Variants in TSPAN9 observed in about 807,000 individuals in gnomAD.
TSPAN9 encodes tetraspanin-9.
TSPAN9 carries 16 observed loss-of-function variants against 31.0 expected under a neutral mutation model. The ratio of observed to expected loss-of-function variants is 0.52; its 90% CI spans 0.35 to 0.78. The LOEUF (loss-of-function observed/expected upper bound fraction) is 0.78. TSPAN9 is among the 30% of genes least tolerant of loss of function. The pLI, the probability that TSPAN9 is intolerant of heterozygous loss-of-function variation, is 0.01. For missense variants in TSPAN9, 272 were observed against 312.5 expected (o/e 0.87, Z 0.98); for synonymous variants, 145 against 121.6 (o/e 1.19, Z -1.27).
rs2098387669 is a variant in TSPAN9 at position 3,226,740 on chromosome 12, GTGTGTATATATATATA to G, written c.63+25486_63+25501del. Among the ~76,000 whole-genome samples, 48 of 13,154 alleles carry G rather than the reference GTGTGTATATATATATA, an allele frequency of 3.6e-3. 6 individuals are homozygous for G. Among genetic ancestry groups the G allele is most frequent in the African/African-American group, 8.4e-3 (27 of 3,208 alleles). 8.6% of individuals were successfully genotyped at this position (13,154 alleles called of 152,430 possible). The stretch of plus-strand genomic sequence containing the variant: ...TGTATGTGTGTGTGTGTGTGTGTGT[GTGTGTATATATATATA>G]TATATATATATATATATATATATAT... On this transcript the variant is annotated intron_variant, in intron 3 of 8. Coordinates refer to ENST00000011898, the MANE Select transcript of TSPAN9 (RefSeq NM_006675.5).
chr12:3,190,937 C>T (rs531858782), intron 2 of TSPAN9, among the ~76,000 whole-genome samples: 12 of 152,196 alleles, frequency 7.9e-5, no homozygotes, highest in Non-Finnish European at 1.6e-4. Context: ...ATTCAAGGAG[C>T]TCACAATTTG....
At chr12:3,211,819 C>G in intron 3 of TSPAN9, 1 of 1,593,424 alleles carries the variant, frequency 6.3e-7, no homozygotes, top group Admixed American at 1.7e-5. Flanking sequence ...ATTTCACATC[C>G]ATGAAGTAGG....
intron 2 of TSPAN9, among the ~76,000 whole-genome samples, chr12:3,126,152 A>G (rs1191666004): frequency 1.3e-5 from 2 of 152,238 alleles, no homozygotes. Context: ...TGTCAAATGC[A>G]TAAGACCTCA....
chr12:3,264,804 C>G (rs769279675), intron 3 of TSPAN9, among the ~76,000 whole-genome samples: 6 of 152,252 alleles, frequency 3.9e-5, no homozygotes, highest in Non-Finnish European at 7.3e-5. Flanking sequence ...GACGACGACT[C>G]TATGTGGTAG....
intron 3 of TSPAN9, among the ~76,000 whole-genome samples, chr12:3,209,604 A>G (rs1244385412): frequency 1.3e-5 from 2 of 152,152 alleles, no homozygotes; most frequent in African/African-American, 4.8e-5. Flanking sequence ...GCTCAGCTGT[A>G]CCTGAGTGAG....
intron 2 of TSPAN9, among the ~76,000 whole-genome samples, chr12:3,153,523 C>CT (rs1259604437): frequency 6.6e-6 from 1 of 151,728 alleles, no homozygotes; most frequent in East Asian, 1.9e-4. Flanking sequence ...TTACTATAAG[C>CT]TACATAATCA....
At chr12:3,226,070 G>A (rs2098387003) in intron 3 of TSPAN9, among the ~76,000 whole-genome samples, 1 of 152,128 alleles carries the variant, frequency 6.6e-6, no homozygotes, top group Admixed American at 6.5e-5. Context: ...TCCTGCCGAA[G>A]TCTGTAGGGA....
At chr12:3,247,025 G>A (rs1862148793) in intron 3 of TSPAN9, among the ~76,000 whole-genome samples, 1 of 152,140 alleles carries the variant, frequency 6.6e-6, no homozygotes, top group African/African-American at 2.4e-5. Flanking sequence ...GAGAATGGGT[G>A]GAAGGGAGGG....
chr12:3,278,328 T>C, intron 3 of TSPAN9, 93 bp from the exon 4 acceptor site: 1 of 1,518,250 alleles, frequency 6.6e-7, no homozygotes, highest in South Asian at 1.3e-5. Context: ...TTTGTCTGTG[T>C]CTCAGAGCAT....
intron 2 of TSPAN9, among the ~76,000 whole-genome samples, chr12:3,134,638 G>T (rs2098331253): frequency 6.6e-6 from 1 of 152,152 alleles, no homozygotes; most frequent in South Asian, 2.1e-4. Flanking sequence ...GGAAGTTTGG[G>T]GACAGTGGCA....
chr12:3,099,862 G>A (rs1387305346), intron 2 of TSPAN9, among the ~76,000 whole-genome samples: 1 of 144,630 alleles, frequency 6.9e-6, no homozygotes, highest in African/African-American at 2.6e-5. Flanking sequence ...TTTTTTTTGG[G>A]ACGGAGTCTT....
intron 3 of TSPAN9, among the ~76,000 whole-genome samples, chr12:3,261,456 C>T (rs980233982): frequency 3.3e-5 from 5 of 152,170 alleles, no homozygotes; most frequent in South Asian, 2.1e-4. Context: ...GGCGCTGGCT[C>T]GAGCCTACGC....
chr12:3,264,685 C>G (rs1040508550), intron 3 of TSPAN9, among the ~76,000 whole-genome samples: 4 of 152,188 alleles, frequency 2.6e-5, no homozygotes, highest in Non-Finnish European at 4.4e-5. Context: ...GCCTCCGTAA[C>G]CTAGGGAAGG....
intron 3 of TSPAN9, among the ~76,000 whole-genome samples, chr12:3,226,690 GTGTGTGTGTGTGTGTGTATGTGTA>G (rs1474241031): frequency 2.0e-4 from 3 of 14,772 alleles, no homozygotes; most frequent in Admixed American, 2.0e-3. Flanking sequence ...GTGTGTGTGT[GTGTGTGTGTGTGTGTGTATGTGTA>G]TGTATGTGTG....
At chr12:3,214,446 G>C (rs933229375) in intron 3 of TSPAN9, among the ~76,000 whole-genome samples, 2 of 152,228 alleles carry the variant, frequency 1.3e-5, no homozygotes, top group African/African-American at 4.8e-5. Flanking sequence ...GTGAGCGGCT[G>C]CCTGCCGCGG....
At chr12:3,119,955 G>A (rs1351584645) in intron 2 of TSPAN9, among the ~76,000 whole-genome samples, 1 of 152,118 alleles carries the variant, frequency 6.6e-6, no homozygotes, top group Non-Finnish European at 1.5e-5. Context: ...CCATGTGCAC[G>A]TCACTCTGCT....
chr12:3,142,367 G>A (rs1458260935), intron 2 of TSPAN9, among the ~76,000 whole-genome samples: 1 of 152,048 alleles, frequency 6.6e-6, no homozygotes, highest in East Asian at 1.9e-4. Flanking sequence ...TGGGGCTCAC[G>A]TTGGCCCCTC....
chr12:3,190,816 A>C (rs1238841979), intron 2 of TSPAN9, among the ~76,000 whole-genome samples: 1 of 152,238 alleles, frequency 6.6e-6, no homozygotes, highest in Non-Finnish European at 1.5e-5. Context: ...TAAGGTGCAC[A>C]CAAAGGTTCT....
intron 2 of TSPAN9, among the ~76,000 whole-genome samples, chr12:3,151,744 C>T (rs886359057): frequency 6.6e-6 from 1 of 152,166 alleles, no homozygotes; most frequent in Non-Finnish European, 1.5e-5. Context: ...TTCCTTGCTC[C>T]CTCCAGCCTT....
Sources: allele counts gnomAD v4.1 joint callset (sites outside exome capture counted in the v4.1 genomes callset), GRCh38; gene constraint gnomAD v4.1.1; transcripts MANE v1.5; gene names NCBI Gene and HGNC (gene_info 2026-07-23, HGNC 2026-07-21).